GRIP1: variants seen among roughly 807,000 people sequenced by gnomAD.
GRIP1 encodes glutamate receptor interacting protein 1.
GRIP1 carries 45 observed loss-of-function variants against 129.9 expected under a neutral mutation model. The observed-to-expected ratio is 0.35, with a 90% CI of 0.27 to 0.44. The LOEUF is 0.44. Ranked by LOEUF, GRIP1 falls within the 20% of genes least tolerant of loss-of-function variation. The pLI is 1.00. For synonymous variants in GRIP1, 530 were observed against 520.8 expected, an observed-to-expected ratio of 1.02 and a Z score of -0.24; for missense variants, 1,196 against 1,396.8, an observed-to-expected ratio of 0.86 and a Z score of 2.29.
intron 13 of GRIP1, among the ~76,000 whole-genome samples, chr12:66,433,745 G>C (rs751070674): frequency 1.3e-5 from 2 of 152,178 alleles, no homozygotes; most frequent in African/African-American, 2.4e-5. Context: ...AATCCTTTCT[G>C]ATGGTTTTGG....
At chr12:66,537,909 G>A (rs139699852) in intron 4 of GRIP1, among the ~76,000 whole-genome samples, 23 of 152,286 alleles carry the variant, frequency 1.5e-4, no homozygotes, top group South Asian at 4.1e-4. Flanking sequence ...AACTGGTGCC[G>A]CTGTTCTTCC....
chr12:66,526,753 TG>T (rs2061255972), intron 5 of GRIP1, among the ~76,000 whole-genome samples: 1 of 151,928 alleles, frequency 6.6e-6, no homozygotes, highest in East Asian at 1.9e-4. Flanking sequence ...ACCTACAGAA[TG>T]GGAGAGAATT....
chr12:66,853,357 T>C (rs1263480451), intron 1 of GRIP1, among the ~76,000 whole-genome samples: 7 of 152,080 alleles, frequency 4.6e-5, no homozygotes, highest in Non-Finnish European at 1.0e-4. Flanking sequence ...TTCATTTCTA[T>C]AACAAATGTA....
chr12:66,432,465 C>A lies in GRIP1; in HGVS notation c.1768+83G>T, dbSNP rs115938538. The A allele has an allele frequency of 1.6e-3, 1,323 of 823,038 alleles. 16 individuals carry two copies. The African/African-American group carries it at 0.02, about 13-fold the overall frequency. 51.0% of individuals were successfully genotyped at this position (823,038 alleles called of 1,614,324 possible). ...AAAAACTTCGCAAAGACATATAAAA[C>A]ATTTGTTACACCTGCAAACCATTTG... On this transcript the variant is annotated intron_variant, in intron 14 of 24. Transcript: ENST00000359742.
intron 1 of GRIP1, among the ~76,000 whole-genome samples, chr12:66,654,563 T>C (rs966833246): frequency 3.9e-4 from 60 of 152,128 alleles, no homozygotes; most frequent in African/African-American, 1.3e-3. Flanking sequence ...TAAATTGACA[T>C]GGGGCCAAAC....
intron 1 of GRIP1, among the ~76,000 whole-genome samples, chr12:66,803,354 G>A (rs183442051): frequency 6.6e-6 from 1 of 151,956 alleles, no homozygotes; most frequent in Non-Finnish European, 1.5e-5. Flanking sequence ...GGCATTTCTG[G>A]GCATTTTAAA....
intron 2 of GRIP1, among the ~76,000 whole-genome samples, chr12:66,556,690 G>C (rs768485741): frequency 1.3e-5 from 2 of 151,820 alleles, no homozygotes; most frequent in Non-Finnish European, 2.9e-5. Context: ...ACAAGTTGAA[G>C]TGTAGAGTTT....
intron 7 of GRIP1, among the ~76,000 whole-genome samples, chr12:66,477,721 A>G (rs2059663448): frequency 6.6e-6 from 1 of 152,144 alleles, no homozygotes; most frequent in South Asian, 2.1e-4. Context: ...CAGAAATAAT[A>G]CCACACATCT....
At chr12:66,377,897 C>T (rs1040360024) in intron 20 of GRIP1, among the ~76,000 whole-genome samples, 1 of 151,804 alleles carries the variant, frequency 6.6e-6, no homozygotes, top group Non-Finnish European at 1.5e-5. Context: ...GATGGAACGT[C>T]GGAAATGTAT....
chr12:66,760,258 C>T (rs945839347), intron 1 of GRIP1, among the ~76,000 whole-genome samples: 7 of 152,136 alleles, frequency 4.6e-5, no homozygotes, highest in African/African-American at 1.7e-4. Context: ...GTTTCAACCT[C>T]TGCCTGTTAC....
chr12:66,742,108 C>T (rs530121896), intron 1 of GRIP1, among the ~76,000 whole-genome samples: 1 of 152,100 alleles, frequency 6.6e-6, no homozygotes, highest in African/African-American at 2.4e-5. Context: ...TATTTTCATA[C>T]CTCTTGCCTT....
intron 1 of GRIP1, among the ~76,000 whole-genome samples, chr12:66,640,931 C>A (rs1444941015): frequency 6.6e-6 from 1 of 152,184 alleles, no homozygotes; most frequent in African/African-American, 2.4e-5. Flanking sequence ...AAGAACAGAA[C>A]AACAACACAG....
chr12:66,514,071 T>C (rs942460727), intron 7 of GRIP1, among the ~76,000 whole-genome samples: 1 of 152,176 alleles, frequency 6.6e-6, no homozygotes, highest in Non-Finnish European at 1.5e-5. Flanking sequence ...TTATTCCCTA[T>C]TACAGAATAC....
At chr12:66,554,742 G>A (rs1008578115) in intron 2 of GRIP1, among the ~76,000 whole-genome samples, 2 of 152,126 alleles carry the variant, frequency 1.3e-5, no homozygotes. Context: ...AGTGAACATC[G>A]GTGGTACTTT....
chr12:67,031,048 A>G (rs1192530530), intron 1 of GRIP1, among the ~76,000 whole-genome samples: 1 of 152,164 alleles, frequency 6.6e-6, no homozygotes, highest in Non-Finnish European at 1.5e-5. Flanking sequence ...TCCTCAATGA[A>G]TATCTCTTGG....
intron 7 of GRIP1, among the ~76,000 whole-genome samples, chr12:66,465,983 T>C (rs1487432710): frequency 2.6e-5 from 4 of 152,114 alleles, no homozygotes; most frequent in East Asian, 3.9e-4. Flanking sequence ...GATGGGTAGA[T>C]AGATAATCAG....
chr12:66,586,296 T>G (rs1319932295), intron 2 of GRIP1, among the ~76,000 whole-genome samples: 1 of 152,208 alleles, frequency 6.6e-6, no homozygotes, highest in African/African-American at 2.4e-5. Context: ...ATATTTGACC[T>G]AGTTTTTCTC....
At chr12:67,035,168 T>C (rs1464717051) in intron 1 of GRIP1, among the ~76,000 whole-genome samples, 1 of 152,162 alleles carries the variant, frequency 6.6e-6, no homozygotes, top group Non-Finnish European at 1.5e-5. Flanking sequence ...TACTTTTGTC[T>C]GATTTGAATG....
intron 2 of GRIP1, among the ~76,000 whole-genome samples, chr12:66,590,705 A>G (rs576341542): frequency 6.6e-6 from 1 of 152,348 alleles, no homozygotes; most frequent in African/African-American, 2.4e-5. Context: ...TTTTCTGGGC[A>G]AACAGAAACA....
Sources: gnomAD v4.1 joint callset for allele counts (sites outside exome capture counted in the v4.1 genomes callset) on GRCh38, gnomAD v4.1.1 for gene constraint, MANE v1.5 for transcripts, NCBI Gene and HGNC (gene_info 2026-07-23, HGNC 2026-07-21) for gene names.